Variants in TAB3 observed in about 807,000 individuals in gnomAD.
The protein encoded by TAB3 is TGF-beta activated kinase 1 (MAP3K7) binding protein 3, also known as TGF-beta-activated kinase 1 and MAP3K7-binding protein 3.
Under a neutral mutation model 48.1 loss-of-function variants are expected in TAB3, and 18 were observed. The ratio of observed to expected loss-of-function variants is 0.37; its 90% CI spans 0.26 to 0.55. The LOEUF (loss-of-function observed/expected upper bound fraction) is 0.55. Among genes scored for constraint, TAB3 ranks in the 20% least tolerant of loss-of-function variants. TAB3 has a pLI of 0.78. For synonymous variants in TAB3, 185 were observed against 190.2 expected (o/e 0.97, Z 0.22); for missense variants, 414 against 549.8 (o/e 0.75, Z 2.47).
In TAB3 at chrX:30,827,941, A is replaced by G. The variant is rs1937933259; in HGVS notation, c.*3486T>C. Reference sequence around the variant, plus strand: ...AAGATACAGTAGTGGTGCAACACAGACAGTGCCCAATTTATTCTGATTTTT... The same window carrying G: ...AAGATACAGTAGTGGTGCAACACAGGCAGTGCCCAATTTATTCTGATTTTT... On this transcript the variant is annotated 3_prime_UTR_variant, in exon 11 of 11. Transcript: ENST00000288422. 8.9e-6 allele frequency: 1 copy of G among 112,513 alleles called. No homozygotes were observed. Among genetic ancestry groups the G allele is most frequent in the East Asian group, 2.8e-4 (1 of 3,618 alleles). The allele number at this position is 112,513 out of a possible 1,213,427, so 9.3% of individuals were successfully genotyped here.
chrX:30,886,675 A>G (rs981131217), intron 1 of TAB3, among the ~76,000 whole-genome samples: 2 of 112,684 alleles, frequency 1.8e-5, no homozygotes, highest in Non-Finnish European at 3.7e-5. Flanking sequence ...TCAGCCAGAG[A>G]TAATTAACTA....
At chrX:30,839,667 G>A (rs1938350036) in intron 9 of TAB3, among the ~76,000 whole-genome samples, 1 of 109,787 alleles carries the variant, frequency 9.1e-6, no homozygotes, top group African/African-American at 3.3e-5. Flanking sequence ...CTGATAATGG[G>A]GCAGGAGGTA....
At chrX:30,851,589 G>T (rs1601814637) in intron 7 of TAB3, among the ~76,000 whole-genome samples, 1 of 111,874 alleles carries the variant, frequency 8.9e-6, no homozygotes, top group Non-Finnish European at 1.9e-5. Flanking sequence ...ACACACTTAT[G>T]AAACTCTGCA....
Position 30,871,688 on chromosome X carries a change from A to G in TAB3, c.-280+11T>C, listed in dbSNP as rs933162197. ...ATAGATTCATTTTCAAAAAAGAAAT[A>G]TACTCCTTACCTCCAATTTTTCAAC... On this transcript the variant is annotated intron_variant, in intron 2 of 10. Transcript: ENST00000288422. The G allele has an allele frequency of 8.9e-6, 1 of 112,261 alleles. No individual in the cohort carries two copies. Among genetic ancestry groups the G allele is most frequent in the African/African-American group, 3.2e-5 (1 of 30,883 alleles). The allele number at this position is 112,261 out of a possible 1,213,427, so 9.3% of individuals were successfully genotyped here.
intron 1 of TAB3, among the ~76,000 whole-genome samples, chrX:30,880,016 C>T (rs1347281667): frequency 9.0e-6 from 1 of 111,485 alleles, no homozygotes; most frequent in Non-Finnish European, 1.9e-5. Flanking sequence ...AAAATCACAA[C>T]CATTACTGAA....
intron 7 of TAB3, among the ~76,000 whole-genome samples, 184 bp downstream of exon 7, chrX:30,852,594 A>G (rs1273541995): frequency 2.7e-5 from 3 of 111,537 alleles, no homozygotes; most frequent in Non-Finnish European, 5.6e-5. Context: ...ATCTGCATAC[A>G]TGAATTATTT....
intron 8 of TAB3, chrX:30,843,491 C>A (rs1324071578): frequency 9.0e-6 from 1 of 111,694 alleles, no homozygotes; most frequent in Non-Finnish European, 1.9e-5. Context: ...CTTAAAAATT[C>A]ATTATAAATT....
At position 30,828,489 on chromosome X, in the gene TAB3, C is replaced by G. The variant is rs1476560841; in HGVS notation, c.*2938G>C. 3 of 113,075 alleles carry G rather than the reference C, an allele frequency of 2.7e-5. No homozygotes were observed. Among genetic ancestry groups the G allele is most frequent in the Middle Eastern group, 9.6e-4 (1 of 1,039 alleles). The allele number at this position is 113,075 out of a possible 1,213,427, so 9.3% of individuals were successfully genotyped here. Reference sequence around the variant, plus strand: ...TTCTTTAAAGCCCCCTGCCTCTACTCTCTTCCAAACAAAGTCAATATCAAT... The same window carrying G: ...TTCTTTAAAGCCCCCTGCCTCTACTGTCTTCCAAACAAAGTCAATATCAAT... On this transcript the variant is annotated 3_prime_UTR_variant, in exon 11 of 11. Transcript: ENST00000288422.
intron 7 of TAB3, among the ~76,000 whole-genome samples, chrX:30,852,021 A>G (rs1215448940): frequency 1.8e-5 from 2 of 112,539 alleles, no homozygotes; most frequent in Admixed American, 1.9e-4. Context: ...ACTGGTAGGT[A>G]TGTACTAAGC....
Position 30,831,393 on chromosome X carries a change from T to A in TAB3, c.*34A>T. The A allele has an allele frequency of 8.4e-7, 1 of 1,190,961 alleles. No individual in the cohort carries two copies. Among genetic ancestry groups the A allele is most frequent in the South Asian group, 1.9e-5 (1 of 52,679 alleles). On this transcript the variant is annotated 3_prime_UTR_variant, in exon 11 of 11. Transcript: ENST00000288422. ...CCTTTTCTTCTGGTAGTGCTCAAAG[T>A]TTCACTTTCAACCTGGCGCAGACTT... is the stretch of plus-strand genomic sequence containing the variant.
chrX:30,859,733 T>C, intron 4 of TAB3, 55 bp from the exon 5 acceptor site: 1 of 467,683 alleles, frequency 2.1e-6, no homozygotes, highest in South Asian at 3.4e-5. Flanking sequence ...TTTTACTTTA[T>C]TCCTATTGAT....
chrX:30,831,709 T>C, intron 10 of TAB3, 134 bp from the exon 11 acceptor site: 1 of 656,373 alleles, frequency 1.5e-6, no homozygotes, highest in Non-Finnish European at 2.2e-6. Flanking sequence ...GTAAGCCAAT[T>C]AGTAAATATA....
At chrX:30,880,857 C>T (rs1031437343) in intron 1 of TAB3, among the ~76,000 whole-genome samples, 7 of 111,104 alleles carry the variant, frequency 6.3e-5, no homozygotes, top group African/African-American at 2.3e-4. Context: ...AATTTAACTG[C>T]TCATATTTCA....
intron 7 of TAB3, among the ~76,000 whole-genome samples, chrX:30,847,102 A>G (rs1412500651): frequency 9.0e-6 from 1 of 111,508 alleles, no homozygotes; most frequent in Non-Finnish European, 1.9e-5. Flanking sequence ...CCTTTAAGGT[A>G]GGTACTAATA....
At chrX:30,856,967 A>G (rs1939096847) in intron 5 of TAB3, among the ~76,000 whole-genome samples, 1 of 111,629 alleles carries the variant, frequency 9.0e-6, no homozygotes. Context: ...ACATTATTAA[A>G]CTGGAGCTTT....
intron 2 of TAB3, among the ~76,000 whole-genome samples, chrX:30,867,891 G>T (rs1939458493): frequency 9.2e-6 from 1 of 108,828 alleles, no homozygotes; most frequent in East Asian, 2.9e-4. Flanking sequence ...AGAGGATTAA[G>T]CCCAGGCCTA....
chrX:30,880,757 C>T (rs998697481), intron 1 of TAB3, among the ~76,000 whole-genome samples: 14 of 111,648 alleles, frequency 1.3e-4, no homozygotes, highest in Non-Finnish European at 2.3e-4. Context: ...AAGCACAAAC[C>T]TGTTACCTGG....
At chrX:30,881,523 T>C (rs765036140) in intron 1 of TAB3, among the ~76,000 whole-genome samples, 1 of 111,581 alleles carries the variant, frequency 9.0e-6, no homozygotes, top group Non-Finnish European at 1.9e-5. Context: ...TCAAACCAAC[T>C]AGTGACTCTC....
At chrX:30,847,903 A>G (rs1395793770) in intron 7 of TAB3, among the ~76,000 whole-genome samples, 2 of 112,425 alleles carry the variant, frequency 1.8e-5, no homozygotes, top group African/African-American at 6.5e-5. Flanking sequence ...GTCGTTTAGA[A>G]ATATTTATTA....
Sources: gnomAD v4.1 joint callset for allele counts (sites outside exome capture counted in the v4.1 genomes callset) on GRCh38, gnomAD v4.1.1 for gene constraint, MANE v1.5 for transcripts, NCBI Gene and HGNC (gene_info 2026-07-23, HGNC 2026-07-21) for gene names.